LARGE1: variants seen among roughly 807,000 people sequenced by gnomAD.
LARGE1 encodes xylosyl- and glucuronyltransferase LARGE1.
A neutral mutation model predicts 87.6 loss-of-function variants in LARGE1; 43 were observed. The observed-to-expected ratio is 0.49, with a 90% CI of 0.38 to 0.63. The LOEUF is 0.63. LARGE1 is among the 30% of genes least tolerant of loss of function. LARGE1 has a pLI of 0.00. For synonymous variants in LARGE1, 434 were observed against 394.6 expected, an observed-to-expected ratio of 1.10 and a Z score of -1.18; for missense variants, 802 against 1,000.2, an observed-to-expected ratio of 0.80 and a Z score of 2.67.
chr22:33,914,180 T>C (rs1405235884), intron 1 of LARGE1, among the ~76,000 whole-genome samples: 2 of 152,220 alleles, frequency 1.3e-5, no homozygotes, highest in Non-Finnish European at 2.9e-5. Context: ...TCAGCCATAG[T>C]GAGGAGCCCT....
At chr22:33,816,693 C>CAGAT (rs61295720) in intron 1 of LARGE1, among the ~76,000 whole-genome samples, 18 of 107,270 alleles carry the variant, frequency 1.7e-4, no homozygotes, top group Admixed American at 3.2e-4. Context: ...GATAGATAGA[C>CAGAT]AGACAGACAG....
intron 11 of LARGE1, among the ~76,000 whole-genome samples, chr22:33,259,072 A>G (rs536194211): frequency 2.6e-5 from 4 of 151,766 alleles, no homozygotes; most frequent in East Asian, 1.9e-4. Flanking sequence ...TAGAGACGAG[A>G]TTTCACCATG....
intron 12 of LARGE1, among the ~76,000 whole-genome samples, chr22:33,284,603 A>G (rs1245329391): frequency 2.7e-5 from 4 of 149,696 alleles, no homozygotes; most frequent in Non-Finnish European, 4.4e-5. Flanking sequence ...TTGGAGATGG[A>G]GTCTTGCTCT....
chr22:33,902,919 G>A (rs2065325016), intron 1 of LARGE1, among the ~76,000 whole-genome samples: 1 of 152,140 alleles, frequency 6.6e-6, no homozygotes, highest in Non-Finnish European at 1.5e-5. Flanking sequence ...ATCTTCTAAG[G>A]TCAGGGGTTC....
intron 1 of LARGE1, among the ~76,000 whole-genome samples, chr22:33,859,649 T>G (rs185214695): frequency 2.0e-5 from 3 of 152,302 alleles, no homozygotes; most frequent in Non-Finnish European, 2.9e-5. Context: ...AATCCAGGTA[T>G]GTTTTCTTGG....
intron 1 of LARGE1, among the ~76,000 whole-genome samples, chr22:33,890,228 C>A (rs1413829310): frequency 1.3e-5 from 2 of 152,226 alleles, no homozygotes; most frequent in African/African-American, 4.8e-5. Context: ...AGCCCTGTAG[C>A]CCTAAGCAAG....
intron 2 of LARGE1, among the ~76,000 whole-genome samples, chr22:33,745,563 C>T (rs183318898): frequency 9.9e-5 from 15 of 152,250 alleles, no homozygotes; most frequent in Admixed American, 2.6e-4. Flanking sequence ...CCCCAAACTG[C>T]GCTCAAGTGA....
intron 2 of LARGE1, among the ~76,000 whole-genome samples, chr22:33,729,323 G>A (rs2083380723): frequency 2.0e-5 from 3 of 152,126 alleles, no homozygotes; most frequent in Admixed American, 2.0e-4. Flanking sequence ...AGCCTCAGAA[G>A]GAAGAGAAAA....
intron 6 of LARGE1, among the ~76,000 whole-genome samples, chr22:33,515,401 A>G (rs1326958983): frequency 6.6e-6 from 1 of 152,168 alleles, no homozygotes; most frequent in Non-Finnish European, 1.5e-5. Context: ...CATCCATGAA[A>G]AGGTAAACTC....
At chr22:33,503,385 T>C (rs553877077) in intron 6 of LARGE1, among the ~76,000 whole-genome samples, 1 of 150,368 alleles carries the variant, frequency 6.7e-6, no homozygotes, top group South Asian at 2.1e-4. Context: ...GCCTCCCGAG[T>C]AGCTGGGATT....
At chr22:33,462,104 A>G (rs1050373889) in intron 6 of LARGE1, among the ~76,000 whole-genome samples, 5 of 152,228 alleles carry the variant, frequency 3.3e-5, no homozygotes, top group African/African-American at 9.7e-5. Context: ...CAATTTTATG[A>G]TAAAAGAACA....
intron 2 of LARGE1, among the ~76,000 whole-genome samples, chr22:33,742,636 C>T (rs181717108): frequency 1.6e-3 from 242 of 152,354 alleles, no homozygotes; most frequent in Non-Finnish European, 3.0e-3. Flanking sequence ...TACCCTACCA[C>T]ATGGCGAGAG....
At chr22:33,452,075 A>G (rs1177645678) in intron 6 of LARGE1, among the ~76,000 whole-genome samples, 1 of 152,204 alleles carries the variant, frequency 6.6e-6, no homozygotes, top group Admixed American at 6.5e-5. Context: ...CTACACATTT[A>G]TTCATCCAAC....
the LARGE1 span, among the ~76,000 whole-genome samples, chr22:33,074,633 C>G: frequency 6.6e-6 from 1 of 152,140 alleles, no homozygotes; most frequent in Admixed American, 6.5e-5. Flanking sequence ...CGAGATCACA[C>G]CACTGCACTC....
At chr22:33,737,217 G>A (rs972886004) in intron 2 of LARGE1, among the ~76,000 whole-genome samples, 1 of 152,092 alleles carries the variant, frequency 6.6e-6, no homozygotes, top group African/African-American at 2.4e-5. Flanking sequence ...CCTACCCCAG[G>A]TATACAGGGA....
intron 11 of LARGE1, among the ~76,000 whole-genome samples, chr22:33,199,225 GTTGT>G (rs1238202579): frequency 2.7e-5 from 4 of 150,890 alleles, no homozygotes; most frequent in African/African-American, 9.8e-5. Flanking sequence ...TTCTTATGGA[GTTGT>G]TTGAGCTCCT....
intron 5 of LARGE1, among the ~76,000 whole-genome samples, chr22:33,594,271 A>G (rs563011732): frequency 3.3e-5 from 5 of 152,088 alleles, no homozygotes; most frequent in Admixed American, 2.6e-4. Context: ...AGCAGCCAAC[A>G]CCCTGGGCCT....
chr22:33,417,775 G>A (rs1304932715), intron 7 of LARGE1, among the ~76,000 whole-genome samples: 4 of 152,124 alleles, frequency 2.6e-5, no homozygotes, highest in Admixed American at 6.5e-5. Flanking sequence ...AGGTCCCCAC[G>A]CCCTTTCTCA....
chr22:33,832,032 C>T (rs946651547), intron 1 of LARGE1, among the ~76,000 whole-genome samples: 3 of 152,204 alleles, frequency 2.0e-5, no homozygotes, highest in African/African-American at 7.2e-5. Context: ...TTCCTTTCAC[C>T]CAGCTAACAC....
Sources: gnomAD v4.1 joint callset for allele counts (sites outside exome capture counted in the v4.1 genomes callset) on GRCh38, gnomAD v4.1.1 for gene constraint, MANE v1.5 for transcripts, NCBI Gene and HGNC (gene_info 2026-07-23, HGNC 2026-07-21) for gene names.